CLDN16: variants seen among roughly 807,000 people sequenced by gnomAD.
CLDN16 encodes the protein claudin 16.
CLDN16 carries 13 observed loss-of-function variants against 24.6 expected under a neutral mutation model. The observed-to-expected ratio is 0.53, with a 90% CI of 0.34 to 0.84. The LOEUF (loss-of-function observed/expected upper bound fraction) is 0.84. CLDN16 is among the 40% of genes least tolerant of loss of function. The pLI is 0.01. For missense variants in CLDN16, 298 were observed against 292.7 expected (o/e 1.02, Z -0.13); for synonymous variants, 116 against 106.7 (o/e 1.09, Z -0.54).
chr3:190,363,610 G>A (rs1297893021), intron 1 of CLDN16, among the ~76,000 whole-genome samples: 1 of 86,946 alleles, frequency 1.2e-5, no homozygotes, highest in Non-Finnish European at 2.4e-5. Context: ...TCTTTCTCCT[G>A]TCTGGCAATT....
At chr3:190,303,462 T>C in the CLDN16 span, among the ~76,000 whole-genome samples, 3 of 152,364 alleles carry the variant, frequency 2.0e-5, no homozygotes, top group East Asian at 3.9e-4. Flanking sequence ...TTTCAAACTT[T>C]ATCTTTCCTA....
At chr3:190,299,549 A>ATTT in the CLDN16 span, among the ~76,000 whole-genome samples, 1 of 148,444 alleles carries the variant, frequency 6.7e-6, no homozygotes. Context: ...ATTTTTTCTG[A>ATTT]ATTTTTTTTA....
chr3:190,371,016 T>TTATATATATATATATA (rs141854157), intron 2 of CLDN16: 632 of 13,482 alleles, frequency 0.047, 6 homozygotes, highest in Admixed American at 0.14. Context: ...GTTAATACCT[T>TTATATATATATATATA]TATATATATA....
the CLDN16 span, among the ~76,000 whole-genome samples, chr3:190,304,344 C>A: frequency 3.8e-4 from 58 of 152,232 alleles, no homozygotes; most frequent in East Asian, 9.7e-3. Flanking sequence ...CTGCTTCAGC[C>A]CAGGACAAGG....
At chr3:190,308,908 A>G in the CLDN16 span, among the ~76,000 whole-genome samples, 3 of 152,164 alleles carry the variant, frequency 2.0e-5, no homozygotes, top group Non-Finnish European at 4.4e-5. Flanking sequence ...TGAAATCCAA[A>G]TCTTATGGTT....
At chr3:190,350,137 C>A (rs889547717) in intron 1 of CLDN16, among the ~76,000 whole-genome samples, 4 of 152,008 alleles carry the variant, frequency 2.6e-5, no homozygotes, top group Non-Finnish European at 5.9e-5. Context: ...CTAAGTACAT[C>A]TTAATGTCTT....
At chr3:190,377,132 C>T (rs1441927004) in intron 3 of CLDN16, among the ~76,000 whole-genome samples, 6 of 151,854 alleles carry the variant, frequency 4.0e-5, no homozygotes, top group African/African-American at 1.4e-4. Context: ...TTCAGAACCG[C>T]AAGAAAACAG....
At chr3:190,292,395 G>A in the CLDN16 span, among the ~76,000 whole-genome samples, 1 of 152,302 alleles carries the variant, frequency 6.6e-6, no homozygotes, top group African/African-American at 2.4e-5. Context: ...TTTCAAGGCT[G>A]TATACAGCAG....
intron 1 of CLDN16, among the ~76,000 whole-genome samples, chr3:190,336,099 G>A (rs1261314093): frequency 6.6e-6 from 1 of 152,010 alleles, no homozygotes; most frequent in African/African-American, 2.4e-5. Context: ...GTGCCTTTTG[G>A]TTACTCAGGA....
At chr3:190,395,169 T>G (rs766631424) in intron 1 of CLDN16, among the ~76,000 whole-genome samples, 2 of 152,104 alleles carry the variant, frequency 1.3e-5, no homozygotes, top group East Asian at 3.8e-4. Context: ...AGTTCAGATA[T>G]ATAACGTAGG....
intron 1 of CLDN16, among the ~76,000 whole-genome samples, chr3:190,332,489 G>A (rs1717203361): frequency 6.6e-6 from 1 of 152,246 alleles, no homozygotes; most frequent in South Asian, 2.1e-4. Flanking sequence ...AATCTTAATT[G>A]GGAAAATGGG....
At chr3:190,365,819 A>T (rs549005234) in intron 1 of CLDN16, among the ~76,000 whole-genome samples, 1 of 151,784 alleles carries the variant, frequency 6.6e-6, no homozygotes, top group South Asian at 2.1e-4. Flanking sequence ...TAGCCGACCC[A>T]GTTCTTTTCA....
At chr3:190,308,458 G>A in the CLDN16 span, 6 of 1,612,568 alleles carry the variant, frequency 3.7e-6, no homozygotes, top group African/African-American at 6.7e-5. Flanking sequence ...AAAAACCCAT[G>A]TGCTTGTTAA....
At position 190,409,956 on chromosome 3, in the gene CLDN16, G is replaced by A. The variant is rs549642537; in HGVS notation, c.628G>A (p.Ala210Thr). 44 of 1,613,896 alleles carry A rather than the reference G, an allele frequency of 2.7e-5. No individual in the cohort carries two copies. In the African/African-American group the frequency reaches 4.4e-4, roughly 16 times the overall value. The change falls in exon 5 of 5, where the codon GCG (alanine) becomes ACG (threonine). Residue 210 changes from alanine to threonine, a missense_variant. Transcript: ENST00000264734. ...PYSLRKAYSA[A>T]GVSMAKSYSA... ...TTCCTTGAGGAAAGCCTATTCAGCC[G>A]CGGGTGTTTCCATGGCCAAGTCATA... is the stretch of plus-strand genomic sequence containing the variant.
chr3:190,395,826 C>T (rs974601932), intron 1 of CLDN16, among the ~76,000 whole-genome samples: 3 of 152,000 alleles, frequency 2.0e-5, no homozygotes, highest in Admixed American at 1.3e-4. Context: ...TAGCGGTTAA[C>T]CAACAATAAA....
chr3:190,410,234 A>G lies in CLDN16; in HGVS notation c.*198A>G. 1.6e-6 allele frequency: 1 copy of G among 615,020 alleles called. No individual in the cohort carries two copies. Among genetic ancestry groups the G allele is most frequent in the Non-Finnish European group, 2.9e-6 (1 of 348,564 alleles). 38.1% of individuals were successfully genotyped at this position (615,020 alleles called of 1,614,324 possible). A position where few individuals can be genotyped will look rare whatever the true frequency, so the allele number is the denominator to read the frequency against. On this transcript the variant is annotated 3_prime_UTR_variant, in exon 5 of 5. Coordinates refer to ENST00000264734, the MANE Select transcript of CLDN16 (RefSeq NM_006580.4). ...TATTTTCCCGTCATTCTCTCTGCTA[A>G]CCTTCCACCTTATGCACACACTTTC...
chr3:190,386,195 G>A (rs1718493637), upstream of CLDN16, among the ~76,000 whole-genome samples: 2 of 152,180 alleles, frequency 1.3e-5, no homozygotes, highest in South Asian at 2.1e-4. Flanking sequence ...CACAGGGAAA[G>A]ATTCTCTGTG....
At chr3:190,342,152 C>G (rs900635594) in intron 1 of CLDN16, among the ~76,000 whole-genome samples, 2 of 152,210 alleles carry the variant, frequency 1.3e-5, no homozygotes, top group Non-Finnish European at 2.9e-5. Flanking sequence ...AAAGTCGCTT[C>G]CACATTTTCA....
chr3:190,293,663 G>T, the CLDN16 span, among the ~76,000 whole-genome samples: 1 of 152,168 alleles, frequency 6.6e-6, no homozygotes, highest in African/African-American at 2.4e-5. Context: ...GATCAGATTT[G>T]GGGTAAACTG....
Sources: allele counts gnomAD v4.1 joint callset (sites outside exome capture counted in the v4.1 genomes callset), GRCh38; gene constraint gnomAD v4.1.1; transcripts MANE v1.5; gene names NCBI Gene and HGNC (gene_info 2026-07-23, HGNC 2026-07-21).